PHACTR1: variants seen among roughly 807,000 people sequenced by gnomAD.
PHACTR1 encodes RPEL repeat containing 1.
PHACTR1 carries 16 observed loss-of-function variants against 69.2 expected under a neutral mutation model. The ratio of observed to expected loss-of-function variants is 0.23; its 90% CI spans 0.16 to 0.35. The LOEUF (loss-of-function observed/expected upper bound fraction) is 0.35, where lower values mean the gene tolerates loss of function less well. PHACTR1 is among the 10% of genes least tolerant of loss of function. PHACTR1 has a pLI of 1.00. For missense variants in PHACTR1, 510 were observed against 734.7 expected (o/e 0.69, Z 3.54); for synonymous variants, 312 against 284.5 (o/e 1.10, Z -0.97).
chr6:13,227,779 A>G (rs778896262), intron 8 of PHACTR1, 37 bp from the exon 9 acceptor site: 6 of 1,603,162 alleles, frequency 3.7e-6, no homozygotes, highest in Non-Finnish European at 5.1e-6. Context: ...CACGTTAGCC[A>G]AAGTGAATTT....
intron 4 of PHACTR1, among the ~76,000 whole-genome samples, chr6:12,975,140 T>A (rs764193011): frequency 6.6e-6 from 1 of 152,168 alleles, no homozygotes; most frequent in African/African-American, 2.4e-5. Flanking sequence ...TGGGGAAGTA[T>A]GGGAAATGAA....
At chr6:13,007,495 T>G (rs1325486595) in intron 4 of PHACTR1, among the ~76,000 whole-genome samples, 2 of 152,134 alleles carry the variant, frequency 1.3e-5, no homozygotes, top group African/African-American at 4.8e-5. Context: ...CTAAATTTTT[T>G]TTAACTTAGA....
intron 4 of PHACTR1, among the ~76,000 whole-genome samples, chr6:12,955,966 C>A (rs1336312752): frequency 6.6e-6 from 1 of 152,096 alleles, no homozygotes; most frequent in African/African-American, 2.4e-5. Flanking sequence ...GAAAGTGATT[C>A]TTAGGGTACT....
intron 6 of PHACTR1, among the ~76,000 whole-genome samples, chr6:13,178,548 G>T (rs1761728748): frequency 6.6e-6 from 1 of 152,244 alleles, no homozygotes; most frequent in African/African-American, 2.4e-5. Flanking sequence ...TGGGGGTGAA[G>T]CCCAGCAATC....
intron 4 of PHACTR1, among the ~76,000 whole-genome samples, chr6:12,830,092 G>GGAAAGAAAGAAAGAAAGAAAGAAAGAAA (rs201322567): frequency 1.8e-5 from 2 of 109,056 alleles, no homozygotes; most frequent in Non-Finnish European, 1.8e-5. Flanking sequence ...AAGGAAGGAG[G>GGAAAGAAAGAAAGAAAGAAAGAAAGAAA]GAAAGAAAGA....
In PHACTR1 at chr6:13,199,400, A is replaced by AAAC. The variant is rs1764889362; in HGVS notation, c.665-6413_665-6412insCAA. ...GTCCATCTCAAAAAAAAAAAAAAAA[A>AAAC]AAAAAAAAAAAACATTGGCATCTTG... On this transcript the variant is annotated intron_variant, in intron 7 of 14. Coordinates refer to ENST00000332995, the MANE Select transcript of PHACTR1 (RefSeq NM_030948.6). 2.3e-5 allele frequency among the ~76,000 whole-genome samples: 3 copies of AAAC among 127,802 alleles called. No individual in the cohort carries two copies. In the South Asian group the frequency reaches 6.7e-4, roughly 29 times the overall value. The allele number at this position is 127,802 out of a possible 152,430, so 83.8% of individuals were successfully genotyped here. A position where few individuals can be genotyped will look rare whatever the true frequency, so the allele number is the denominator to read the frequency against.
At position 12,718,783 on chromosome 6, in the gene PHACTR1, G is replaced by A. The variant is rs1341875771; in HGVS notation, c.39G>A (p.Glu13=). The A allele has an allele frequency of 3.2e-6, 5 of 1,572,428 alleles. No homozygotes were observed. The highest frequency in any genetic ancestry group is 4.3e-6 in the Non-Finnish European group (5 of 1,156,332). Residue 13 remains glutamate, a synonymous_variant, in exon 3 of 15, where the codon GAG becomes GAA. Coordinates refer to ENST00000332995, the MANE Select transcript of PHACTR1 (RefSeq NM_030948.6). ...AAATGGATTATTTTCTGGATGTAGA[G>A]TCTGCTCACAGACTCTTGGATGTTG... ...YPKMDYFLDV[E]SAHRLLDVES...
chr6:13,215,251 G>C (rs1150619), intron 8 of PHACTR1, among the ~76,000 whole-genome samples: 135,504 of 152,280 alleles, frequency 0.89, 60,715 homozygotes, highest in African/African-American at 0.94. Context: ...CTCAGTGCAG[G>C]TTAGAACCTG....
At chr6:13,117,906 A>C (rs922579821) in intron 5 of PHACTR1, among the ~76,000 whole-genome samples, 1 of 152,196 alleles carries the variant, frequency 6.6e-6, no homozygotes, top group Non-Finnish European at 1.5e-5. Context: ...CACATAAATG[A>C]GTGCAACCAC....
chr6:13,052,293 C>T (rs1056701497), intron 4 of PHACTR1, among the ~76,000 whole-genome samples: 1 of 152,178 alleles, frequency 6.6e-6, no homozygotes, highest in South Asian at 2.1e-4. Flanking sequence ...ATGTTCAGAC[C>T]ACAACAAGCT....
At chr6:12,861,615 G>A (rs915024663) in intron 4 of PHACTR1, among the ~76,000 whole-genome samples, 2 of 152,168 alleles carry the variant, frequency 1.3e-5, no homozygotes, top group African/African-American at 4.8e-5. Context: ...AGTAAAGGAG[G>A]AGCAGTGGTC....
intron 6 of PHACTR1, among the ~76,000 whole-genome samples, chr6:13,181,105 A>C (rs537249020): frequency 6.6e-6 from 1 of 151,980 alleles, no homozygotes; most frequent in South Asian, 2.1e-4. Flanking sequence ...GATTCAGGTC[A>C]AACACCATAT....
At chr6:12,765,900 T>A (rs866027596) in intron 4 of PHACTR1, among the ~76,000 whole-genome samples, 101 of 152,210 alleles carry the variant, frequency 6.6e-4, no homozygotes, top group African/African-American at 2.4e-3. Context: ...AACATGCAAT[T>A]CTTGCAAAGA....
chr6:13,093,254 T>C (rs780007313), intron 5 of PHACTR1, among the ~76,000 whole-genome samples: 3 of 152,252 alleles, frequency 2.0e-5, no homozygotes, highest in Non-Finnish European at 4.4e-5. Context: ...AATGCATTAA[T>C]ATGAATTACA....
At chr6:13,250,263 G>A (rs1225595897) in intron 10 of PHACTR1, among the ~76,000 whole-genome samples, 1 of 152,202 alleles carries the variant, frequency 6.6e-6, no homozygotes, top group Non-Finnish European at 1.5e-5. Context: ...TTTAGAAAGT[G>A]CATGTGCCCG....
chr6:13,200,945 A>G (rs1192495023), intron 7 of PHACTR1, among the ~76,000 whole-genome samples: 1 of 142,280 alleles, frequency 7.0e-6, no homozygotes, highest in South Asian at 2.1e-4. Flanking sequence ...CTCTGTCTCA[A>G]AAAAAAAAAA....
intron 5 of PHACTR1, among the ~76,000 whole-genome samples, chr6:13,104,246 T>A (rs889867594): frequency 9.2e-5 from 14 of 152,188 alleles, no homozygotes; most frequent in African/African-American, 3.1e-4. Flanking sequence ...AACTTACCAG[T>A]CTTTCTCTTT....
At chr6:13,272,982 GCCA>G (rs1778084159) in intron 11 of PHACTR1, 67 bp downstream of exon 11, 2 of 1,595,634 alleles carry the variant, frequency 1.3e-6, no homozygotes, top group Admixed American at 1.7e-5. Flanking sequence ...TTAATGGTAG[GCCA>G]CAAGGTTTCT....
At chr6:13,174,969 A>G (rs1190635502) in intron 6 of PHACTR1, among the ~76,000 whole-genome samples, 1 of 152,236 alleles carries the variant, frequency 6.6e-6, no homozygotes, top group Non-Finnish European at 1.5e-5. Flanking sequence ...ATATATAAAA[A>G]GTCCAACATA....
Sources: gnomAD v4.1 joint callset for allele counts (sites outside exome capture counted in the v4.1 genomes callset) on GRCh38, gnomAD v4.1.1 for gene constraint, MANE v1.5 for transcripts, NCBI Gene and HGNC (gene_info 2026-07-23, HGNC 2026-07-21) for gene names.